PLCG2: variants seen among roughly 807,000 people sequenced by gnomAD.
The protein encoded by PLCG2 is 1-phosphatidylinositol 4,5-bisphosphate phosphodiesterase gamma-2.
PLCG2 carries 69 observed loss-of-function variants against 175.6 expected under a neutral mutation model. The ratio of observed to expected loss-of-function variants is 0.39; its 90% CI spans 0.32 to 0.48. PLCG2 has a LOEUF of 0.48. PLCG2 is among the 20% of genes least tolerant of loss of function. PLCG2 has a pLI of 0.91. For synonymous variants in PLCG2, 827 were observed against 624.0 expected (o/e 1.33, Z -4.85); for missense variants, 1,798 against 1,650.9 (o/e 1.09, Z -1.54).
chr16:81,908,157 G>C (rs935607711), intron 16 of PLCG2, among the ~76,000 whole-genome samples: 2 of 152,208 alleles, frequency 1.3e-5, no homozygotes, highest in Non-Finnish European at 2.9e-5. Flanking sequence ...GAACAGAATG[G>C]AGGGCTTTGC....
intron 5 of PLCG2, among the ~76,000 whole-genome samples, chr16:81,860,083 G>A (rs1451032787): frequency 1.3e-5 from 2 of 151,238 alleles, no homozygotes; most frequent in Non-Finnish European, 1.5e-5. Flanking sequence ...CGATCCTCCC[G>A]CCTCAGCCTC....
At chr16:81,943,825 T>C (rs1177467802) in intron 30 of PLCG2, among the ~76,000 whole-genome samples, 1 of 152,182 alleles carries the variant, frequency 6.6e-6, no homozygotes, top group African/African-American at 2.4e-5. Context: ...GTATATTCAA[T>C]GAGAGCAATG....
At chr16:81,858,439 A>G (rs200058058) in intron 4 of PLCG2, 83 bp downstream of exon 4, 352 of 11,638 alleles carry the variant, frequency 0.03, no homozygotes, top group South Asian at 0.1. Flanking sequence ...TACAGGGGGG[A>G]AAAAAAAAAA....
At chr16:81,790,820 T>C (rs564177909) in intron 2 of PLCG2, among the ~76,000 whole-genome samples, 2 of 152,184 alleles carry the variant, frequency 1.3e-5, no homozygotes, top group African/African-American at 4.8e-5. Flanking sequence ...TGGAGACGTG[T>C]TGATTTTCTC....
intron 19 of PLCG2, among the ~76,000 whole-genome samples, chr16:81,917,849 G>A (rs1455524009): frequency 6.6e-6 from 1 of 152,136 alleles, no homozygotes. Context: ...AGCCTCCCGA[G>A]TAGCTGGGAC....
chr16:81,774,167 A>G (rs1361209042), intron 2 of PLCG2, among the ~76,000 whole-genome samples: 12 of 124,388 alleles, frequency 9.6e-5, no homozygotes. Context: ...TCCCGTCTCT[A>G]CTAAAAATAC....
intron 2 of PLCG2, among the ~76,000 whole-genome samples, chr16:81,790,706 G>GT (rs1911192782): frequency 6.6e-6 from 1 of 152,174 alleles, no homozygotes; most frequent in African/African-American, 2.4e-5. Context: ...GCAGACCTGG[G>GT]TAAAATACCT....
intron 9 of PLCG2, among the ~76,000 whole-genome samples, chr16:81,886,611 T>C (rs889746111): frequency 6.6e-6 from 1 of 152,150 alleles, no homozygotes; most frequent in African/African-American, 2.4e-5. Context: ...AGCTCTGGGA[T>C]GGATGGGTGA....
rs1315912246 is a variant in PLCG2, at chr16:81,779,302, G to C, written c.-170G>C. On this transcript the variant is annotated 5_prime_UTR_variant, in exon 1 of 33. Coordinates refer to ENST00000564138, the MANE Select transcript of PLCG2 (RefSeq NM_002661.5). ...GCCGCGGCCGAAGCAGAAGTAGCGA[G>C]CGCCGGCGGCGGAGGGCGTGAGCGG... The C allele has an allele frequency of 6.6e-6, 1 of 150,574 alleles. No homozygotes were observed. Among genetic ancestry groups the C allele is most frequent in the Non-Finnish European group, 1.5e-5 (1 of 67,452 alleles). 9.3% of individuals were successfully genotyped at this position (150,574 alleles called of 1,614,324 possible).
At chr16:81,896,475 A>C (rs1412156946) in intron 13 of PLCG2, among the ~76,000 whole-genome samples, 1 of 151,510 alleles carries the variant, frequency 6.6e-6, no homozygotes. Context: ...TTACTTGGGA[A>C]GCTGAGGTGG....
intron 26 of PLCG2, 67 bp from the exon 27 acceptor site, chr16:81,936,102 C>A: frequency 6.3e-7 from 1 of 1,584,626 alleles, no homozygotes; most frequent in Non-Finnish European, 8.6e-7. Context: ...CCAGCCATTG[C>A]AGCAAACATT....
In PLCG2 at chr16:81,889,186, G is replaced by C; in HGVS notation, c.780G>C (p.Gln260His). 6.3e-7 allele frequency: 1 copy of C among 1,596,838 alleles called. No homozygotes were observed. Among genetic ancestry groups the C allele is most frequent in the South Asian group, 1.1e-5 (1 of 89,026 alleles). Residue 260 changes from glutamine to histidine, a missense_variant, in exon 10 of 33, where the codon CAG (glutamine) becomes CAC (histidine). Transcript: ENST00000564138. Reference protein sequence around the residue: ...LIHEQQEHWAQDLNKVRERMT... With the variant: ...LIHEQQEHWAHDLNKVRERMT... ...GTCATTTTAAGGAGCATTGGGCTCAGGATCTGAACAAAGTCCGTGAGCGGA... is the reference window on the plus strand; with the variant it reads ...GTCATTTTAAGGAGCATTGGGCTCACGATCTGAACAAAGTCCGTGAGCGGA...
chr16:81,804,665 C>T (rs1214001776), intron 2 of PLCG2, among the ~76,000 whole-genome samples: 1 of 152,188 alleles, frequency 6.6e-6, no homozygotes, highest in East Asian at 1.9e-4. Flanking sequence ...TTCATCATTT[C>T]AAGGTTTAAC....
At chr16:81,776,101 T>TCTTTCTTTCTTTCTTTCTTTCTTTC (rs1910397888), upstream of PLCG2, among the ~76,000 whole-genome samples, 1 of 55,310 alleles carries the variant, frequency 1.8e-5, no homozygotes, top group African/African-American at 5.7e-5. Flanking sequence ...TTCTTTCTTT[T>TCTTTCTTTCTTTCTTTCTTTCTTTC]TTTCCTTCTT....
chr16:81,832,953 G>A (rs1452763738), intron 2 of PLCG2, among the ~76,000 whole-genome samples: 1 of 152,250 alleles, frequency 6.6e-6, no homozygotes, highest in Non-Finnish European at 1.5e-5. Flanking sequence ...TGTGTGCCCA[G>A]CTTGCTGCTG....
At chr16:81,854,329 G>A (rs563821445) in intron 2 of PLCG2, 115 bp from the exon 3 acceptor site, 33 of 902,200 alleles carry the variant, frequency 3.7e-5, no homozygotes, top group Admixed American at 1.4e-4. Context: ...ATAGCTTTGC[G>A]GGATCCTGTT....
intron 1 of PLCG2, among the ~76,000 whole-genome samples, chr16:81,745,350 C>A (rs897899704): frequency 6.6e-6 from 1 of 152,194 alleles, no homozygotes; most frequent in Non-Finnish European, 1.5e-5. Flanking sequence ...CTGTAAGTTG[C>A]AATATCCCTT....
chr16:81,820,728 C>T (rs769475623), intron 2 of PLCG2, among the ~76,000 whole-genome samples: 25 of 152,224 alleles, frequency 1.6e-4, no homozygotes, highest in African/African-American at 2.7e-4. Flanking sequence ...TCAAGCAATC[C>T]TCCCACCTCA....
rs750822220 is a variant in PLCG2, at chr16:81,870,948, T to C, written c.648+13T>C. 3 of 1,396,574 alleles carry C rather than the reference T, an allele frequency of 2.1e-6. No homozygotes were observed. The allele number at this position is 1,396,574 out of a possible 1,614,324, so 86.5% of individuals were successfully genotyped here. Reference sequence around the variant, plus strand: ...ACAGCAAAAATCGGTAAGATGATTCTTGAGCAAGTGATCAAGTGATGTTTC... The same window carrying C: ...ACAGCAAAAATCGGTAAGATGATTCCTGAGCAAGTGATCAAGTGATGTTTC... On this transcript the variant is annotated intron_variant, in intron 7 of 32. Transcript: ENST00000564138.
Sources: allele counts gnomAD v4.1 joint callset (sites outside exome capture counted in the v4.1 genomes callset), GRCh38; gene constraint gnomAD v4.1.1; transcripts MANE v1.5; gene names NCBI Gene and HGNC (gene_info 2026-07-23, HGNC 2026-07-21).